Variants in AIG1 observed in about 807,000 individuals in gnomAD.
The protein encoded by AIG1 is androgen-induced gene 1 protein.
A neutral mutation model predicts 31.4 loss-of-function variants in AIG1; 23 were observed. That is an observed-to-expected ratio of 0.73 (90% confidence interval 0.53 to 1.04). The LOEUF (loss-of-function observed/expected upper bound fraction) is 1.04. Ranked by LOEUF, AIG1 falls within the 50% of genes least tolerant of loss-of-function variation. AIG1 has a pLI of 0.00. For synonymous variants in AIG1, 100 were observed against 110.5 expected, an observed-to-expected ratio of 0.90 and a Z score of 0.60; for missense variants, 274 against 295.0, an observed-to-expected ratio of 0.93 and a Z score of 0.52.
rs1798590309 is a variant in AIG1, at chr6:143,298,401, G to A, written c.515+14176G>A. Among the ~76,000 whole-genome samples the A allele has an allele frequency of 1.3e-5, 2 of 152,352 alleles. No individual in the cohort carries two copies. Among genetic ancestry groups the A allele is most frequent in the Admixed American group, 6.5e-5 (1 of 15,304 alleles). On this transcript the variant is annotated intron_variant, in intron 4 of 5. Transcript: ENST00000357847. The surrounding 1 kb of genome is among the most constrained non-coding windows in gnomAD (Gnocchi z 5.1). Reference sequence around the variant, plus strand: ...CTTAAGCCAAAGATATGTAAAGAATGTTAGAAAATGTATTATAAAGAAATA... The same window carrying A: ...CTTAAGCCAAAGATATGTAAAGAATATTAGAAAATGTATTATAAAGAAATA...
chr6:143,324,117 C>T (rs1206454589), intron 4 of AIG1, among the ~76,000 whole-genome samples: 4 of 152,160 alleles, frequency 2.6e-5, no homozygotes, highest in Non-Finnish European at 1.5e-5. Flanking sequence ...GGCACATGCT[C>T]ATTGCCTGCC....
At chr6:143,260,841 A>G (rs1339972081) in intron 3 of AIG1, among the ~76,000 whole-genome samples, 1 of 152,170 alleles carries the variant, frequency 6.6e-6, no homozygotes. Context: ...TTCCCATCCC[A>G]CAACTGCAAA....
At position 143,272,598 on chromosome 6, in the gene AIG1, T is replaced by C. The variant is rs1393952393; in HGVS notation, c.400-11512T>C. ...GGAAGCATAGAAATGTGAGGCTGAT[T>C]CTTTGATGGGAGGAAAATGACTCTG... is the stretch of plus-strand genomic sequence containing the variant. On this transcript the variant is annotated intron_variant, in intron 3 of 5. Coordinates refer to ENST00000357847, the MANE Select transcript of AIG1 (RefSeq NM_016108.4). Among the ~76,000 whole-genome samples, 3 of 152,238 alleles carry C rather than the reference T, an allele frequency of 2.0e-5. No individual in the cohort carries two copies. In the East Asian group the frequency reaches 5.8e-4, roughly 29 times the overall value.
chr6:143,312,658 C>T (rs1055455519), intron 4 of AIG1, among the ~76,000 whole-genome samples: 1 of 151,936 alleles, frequency 6.6e-6, no homozygotes, highest in Non-Finnish European at 1.5e-5. Context: ...CCAAAGATTT[C>T]TTGAGATACC....
Position 143,309,064 on chromosome 6 carries a change from G to A in AIG1, c.516-24218G>A, listed in dbSNP as rs866063757. On this transcript the variant is annotated intron_variant, in intron 4 of 5. Coordinates refer to ENST00000357847, the MANE Select transcript of AIG1 (RefSeq NM_016108.4). ...CTTCCTTTTACTTATAGAGAAAGAG[G>A]ATAAGAATTATAATATACTTCTCAT... Among the ~76,000 whole-genome samples the A allele has an allele frequency of 8.5e-5, 13 of 152,064 alleles. No individual in the cohort carries two copies. In the Middle Eastern group the frequency reaches 0.01, roughly 119 times the overall value.
chr6:143,199,615 T>A (rs2033783634), intron 3 of AIG1, among the ~76,000 whole-genome samples: 1 of 152,238 alleles, frequency 6.6e-6, no homozygotes, highest in Non-Finnish European at 1.5e-5. Context: ...TATTATTTAT[T>A]CTGCATGCAT....
chr6:143,141,271 A>G (rs1784224744), intron 2 of AIG1, among the ~76,000 whole-genome samples: 1 of 152,154 alleles, frequency 6.6e-6, no homozygotes, highest in South Asian at 2.1e-4. Context: ...GGCAGCAAGA[A>G]AGACATGGGT....
chr6:143,176,687 G>T (rs924483588), intron 3 of AIG1, among the ~76,000 whole-genome samples: 1 of 152,222 alleles, frequency 6.6e-6, no homozygotes, highest in Non-Finnish European at 1.5e-5. Context: ...ATGAAAAGCT[G>T]GTCTCGCTCC....
intron 2 of AIG1, among the ~76,000 whole-genome samples, chr6:143,155,345 A>G (rs1785637320): frequency 6.6e-6 from 1 of 152,230 alleles, no homozygotes; most frequent in East Asian, 1.9e-4. Context: ...ATGTGCAAAG[A>G]CAAGGGGGCC....
At chr6:143,071,288 T>C (rs1196262078) in intron 1 of AIG1, among the ~76,000 whole-genome samples, 4 of 152,248 alleles carry the variant, frequency 2.6e-5, no homozygotes, top group Admixed American at 6.5e-5. Context: ...TTTTAATTGC[T>C]AGTAGTATTA....
At chr6:143,138,632 G>T (rs539588712) in intron 2 of AIG1, among the ~76,000 whole-genome samples, 2 of 152,026 alleles carry the variant, frequency 1.3e-5, no homozygotes, top group African/African-American at 4.8e-5. Context: ...AGTGGCTCAC[G>T]CCTGTAATCC....
At chr6:143,111,202 C>G (rs978464298) in intron 1 of AIG1, among the ~76,000 whole-genome samples, 11 of 152,070 alleles carry the variant, frequency 7.2e-5, no homozygotes, top group Non-Finnish European at 1.6e-4. Context: ...AAAGAATATT[C>G]CTTCTTGCTG....
chr6:143,064,304 G>A (rs1382341329), intron 1 of AIG1, among the ~76,000 whole-genome samples: 1 of 152,202 alleles, frequency 6.6e-6, no homozygotes, highest in Non-Finnish European at 1.5e-5. Context: ...AGAGCTTGTT[G>A]GAGGAAGATG....
At chr6:143,254,649 G>C (rs1055918965) in intron 3 of AIG1, among the ~76,000 whole-genome samples, 2 of 152,234 alleles carry the variant, frequency 1.3e-5, no homozygotes, top group African/African-American at 4.8e-5. Context: ...TAGCTCTAAT[G>C]AAGTGTTTAT....
At chr6:143,337,684 T>A (rs1353331763) in intron 5 of AIG1, among the ~76,000 whole-genome samples, 1 of 152,180 alleles carries the variant, frequency 6.6e-6, no homozygotes, top group Non-Finnish European at 1.5e-5. Context: ...CGTCTATGTG[T>A]GCAGAAACCT....
At chr6:143,092,361 C>G (rs1341224425) in intron 1 of AIG1, among the ~76,000 whole-genome samples, 2 of 150,996 alleles carry the variant, frequency 1.3e-5, no homozygotes, top group Non-Finnish European at 2.9e-5. Context: ...TCAGGCAGTC[C>G]TCCTGCCTCA....
Position 143,061,027 on chromosome 6 carries a change from C to G in AIG1, c.102C>G (p.Thr34=). The G allele has an allele frequency of 3.1e-6, 5 of 1,613,580 alleles. No homozygotes were observed. Among genetic ancestry groups the G allele is most frequent in the Non-Finnish European group, 4.2e-6 (5 of 1,179,762 alleles). Residue 34 remains threonine (T), a synonymous_variant, in exon 1 of 6, where the codon ACC becomes ACG. Coordinates refer to ENST00000357847, the MANE Select transcript of AIG1 (RefSeq NM_016108.4). ...YKAIEMPSHQ[T]YGGSWKFLTF... ...CCATCGAAATGCCCTCACACCAGACCTACGGAGGGAGCTGGAAATTCCTGA... is the reference window on the plus strand; with the variant it reads ...CCATCGAAATGCCCTCACACCAGACGTACGGAGGGAGCTGGAAATTCCTGA...
rs73592265 is a variant in AIG1 at position 143,172,419 on chromosome 6, C to T, written c.399+7236C>T. ...CCCTTCATCCCTGGTATAAATCCCACTTGATCATGGTGGATTATCTTTTTC... is the reference window on the plus strand; with the variant it reads ...CCCTTCATCCCTGGTATAAATCCCATTTGATCATGGTGGATTATCTTTTTC... On this transcript the variant is annotated intron_variant, in intron 3 of 5. Transcript: ENST00000357847. Among the ~76,000 whole-genome samples, 628 of 152,296 alleles carry T rather than the reference C, an allele frequency of 4.1e-3. 3 individuals are homozygous for T. The highest frequency in any genetic ancestry group is 0.014 in the African/African-American group (586 of 41,560).
At chr6:143,119,622 T>C (rs970385470) in intron 1 of AIG1, among the ~76,000 whole-genome samples, 17 of 152,196 alleles carry the variant, frequency 1.1e-4, no homozygotes, top group African/African-American at 3.9e-4. Context: ...CATGGACACT[T>C]TGGACTTAGT....
Sources: gnomAD v4.1 joint callset for allele counts (sites outside exome capture counted in the v4.1 genomes callset) on GRCh38, gnomAD v4.1.1 for gene constraint, Gnocchi (gnomAD v3.1) non-coding constraint, MANE v1.5 for transcripts, NCBI Gene and HGNC (gene_info 2026-07-23, HGNC 2026-07-21) for gene names.